The following PCSK5 variants were observed in gnomAD, a reference collection of about 807,000 sequenced individuals.
PCSK5 encodes the protein prohormone convertase 5.
Under a neutral mutation model 233.2 loss-of-function variants are expected in PCSK5, and 129 were observed. That is an observed-to-expected ratio of 0.55 (90% CI 0.48 to 0.64). PCSK5 has a LOEUF of 0.64. Among genes scored for constraint, PCSK5 ranks in the 30% least tolerant of loss-of-function variants. PCSK5 has a pLI of 0.00. For missense variants in PCSK5, 2,076 were observed against 2,430.1 expected (o/e 0.85, Z 3.06); for synonymous variants, 825 against 879.2 (o/e 0.94, Z 1.09).
chr9:76,025,803 A>G (rs1350281406), intron 4 of PCSK5, among the ~76,000 whole-genome samples: 4 of 152,220 alleles, frequency 2.6e-5, no homozygotes, highest in Non-Finnish European at 4.4e-5. Context: ...GTAAGCATTC[A>G]TTAAGTACTC....
intron 20 of PCSK5, chr9:76,205,194 G>A (rs1160420905): frequency 1.9e-6 from 1 of 518,788 alleles, no homozygotes; most frequent in Non-Finnish European, 3.8e-6. Flanking sequence ...CTCACTACTA[G>A]GTTAGCCCTC....
intron 2 of PCSK5, among the ~76,000 whole-genome samples, chr9:75,936,785 A>G (rs954667698): frequency 1.3e-5 from 2 of 152,218 alleles, no homozygotes; most frequent in African/African-American, 4.8e-5. Context: ...AACATTCTTA[A>G]TAGCATCTAG....
chr9:76,339,731 G>T (rs749751443), intron 35 of PCSK5, among the ~76,000 whole-genome samples: 33 of 151,986 alleles, frequency 2.2e-4, no homozygotes, highest in Non-Finnish European at 2.8e-4. Flanking sequence ...TTTTAGTAGA[G>T]GCAGGGTTTC....
chr9:75,957,883 C>A (rs1825165202), intron 2 of PCSK5, among the ~76,000 whole-genome samples: 1 of 152,114 alleles, frequency 6.6e-6, no homozygotes, highest in Non-Finnish European at 1.5e-5. Context: ...TGACTGTTTT[C>A]TTTTAGGTAA....
chr9:76,030,454 G>A (rs2131503588), intron 5 of PCSK5, among the ~76,000 whole-genome samples: 1 of 152,226 alleles, frequency 6.6e-6, no homozygotes, highest in East Asian at 1.9e-4. Context: ...AATTGACAAG[G>A]AAATTTGTTA....
At chr9:76,202,504 C>T (rs1192484364) in intron 20 of PCSK5, among the ~76,000 whole-genome samples, 3 of 152,236 alleles carry the variant, frequency 2.0e-5, no homozygotes, top group Non-Finnish European at 4.4e-5. Context: ...CCTTGAAGGC[C>T]AGGGTCAATC....
chr9:76,062,325 G>A (rs1830058622), intron 5 of PCSK5, among the ~76,000 whole-genome samples: 1 of 152,094 alleles, frequency 6.6e-6, no homozygotes, highest in Non-Finnish European at 1.5e-5. Context: ...ATCAAATTTG[G>A]AAACATCTGA....
intron 32 of PCSK5, 46 bp downstream of exon 32, chr9:76,323,334 T>TCCAGCG: frequency 1.8e-6 from 2 of 1,118,550 alleles, no homozygotes; most frequent in Non-Finnish European, 2.7e-6. Flanking sequence ...TTTGCATAGT[T>TCCAGCG]CCAGCCCCAG....
chr9:75,908,919 CTA>C (rs748571334), intron 1 of PCSK5, among the ~76,000 whole-genome samples: 4,229 of 125,936 alleles, frequency 0.034, 96 homozygotes, highest in Middle Eastern at 0.052. Flanking sequence ...ATCTATCTAT[CTA>C]TCTCTCTATC....
chr9:76,014,840 C>G (rs2066185), intron 3 of PCSK5, among the ~76,000 whole-genome samples: 56,665 of 152,052 alleles, frequency 0.37, 11,844 homozygotes, highest in Middle Eastern at 0.52. Flanking sequence ...AATGCCCCAT[C>G]ATGAGTCAAT....
At chr9:76,304,163 C>A (rs1828705081) in intron 28 of PCSK5, among the ~76,000 whole-genome samples, 1 of 152,146 alleles carries the variant, frequency 6.6e-6, no homozygotes, top group South Asian at 2.1e-4. Flanking sequence ...TGGAGCGAGA[C>A]TCTGTCTCAA....
intron 3 of PCSK5, among the ~76,000 whole-genome samples, chr9:75,997,216 C>A (rs1035661873): frequency 1.1e-4 from 16 of 152,098 alleles, no homozygotes; most frequent in African/African-American, 3.9e-4. Flanking sequence ...CTTCAGATGT[C>A]CTGTGTTGAG....
At chr9:75,905,484 TC>T (rs1459852854) in intron 1 of PCSK5, among the ~76,000 whole-genome samples, 4 of 152,202 alleles carry the variant, frequency 2.6e-5, no homozygotes, top group Non-Finnish European at 4.4e-5. Context: ...GCCACTGCAT[TC>T]CAGCCTGGAT....
Position 76,328,259 on chromosome 9 carries a change from A to T in PCSK5, c.4570+20A>T, listed in dbSNP as rs1381223355. The T allele has an allele frequency of 6.4e-7, 1 of 1,556,744 alleles. No individual in the cohort carries two copies. Among genetic ancestry groups the T allele is most frequent in the African/African-American group, 1.4e-5 (1 of 73,786 alleles). ...TTCTCAGTGAGTTACTTCTCCGAGG[A>T]CAGCTTTGTGTTTCCATCTCTCTGG... is the stretch of plus-strand genomic sequence containing the variant. On this transcript the variant is annotated intron_variant, in intron 33 of 37. Transcript: ENST00000674117.
At chr9:76,169,934 C>A in intron 13 of PCSK5, 94 bp downstream of exon 13, 4 of 974,638 alleles carry the variant, frequency 4.1e-6, no homozygotes, top group Admixed American at 4.0e-5. Flanking sequence ...ATATTAGCAT[C>A]TTTTCTCATG....
At chr9:76,257,013 C>T (rs945787748) in intron 24 of PCSK5, among the ~76,000 whole-genome samples, 2 of 152,208 alleles carry the variant, frequency 1.3e-5, no homozygotes, top group African/African-American at 4.8e-5. Context: ...AACCAAGAGG[C>T]TCTATTGTGA....
At chr9:76,257,887 C>A (rs890218585) in intron 24 of PCSK5, among the ~76,000 whole-genome samples, 1 of 152,212 alleles carries the variant, frequency 6.6e-6, no homozygotes, top group African/African-American at 2.4e-5. Context: ...ACCAACTTTC[C>A]TTTATGTATA....
chr9:76,214,550 A>C (rs1825452918), intron 20 of PCSK5, among the ~76,000 whole-genome samples: 1 of 152,136 alleles, frequency 6.6e-6, no homozygotes, highest in South Asian at 2.1e-4. Flanking sequence ...CATTGCCTCA[A>C]CTTTCTCAAC....
At chr9:76,160,731 T>C (rs4745512) in intron 12 of PCSK5, among the ~76,000 whole-genome samples, 11,961 of 152,208 alleles carry the variant, frequency 0.079, 700 homozygotes, top group East Asian at 0.27. Flanking sequence ...ACAATAACTT[T>C]TCTGGCTTAT....
Sources: allele counts gnomAD v4.1 joint callset (sites outside exome capture counted in the v4.1 genomes callset), GRCh38; gene constraint gnomAD v4.1.1; transcripts MANE v1.5; gene names NCBI Gene and HGNC (gene_info 2026-07-23, HGNC 2026-07-21).